Variants in GREB1 observed in about 807,000 individuals in gnomAD.
GREB1 encodes the protein protein GREB1.
GREB1 carries 106 observed loss-of-function variants against 200.7 expected under a neutral mutation model. The observed-to-expected ratio is 0.53, with a 90% CI of 0.45 to 0.62. The LOEUF (loss-of-function observed/expected upper bound fraction) is 0.62, where lower values mean the gene tolerates loss of function less well. Ranked by LOEUF, GREB1 falls within the 20% of genes least tolerant of loss-of-function variation. GREB1 has a pLI of 0.00. For synonymous variants in GREB1, 1,132 were observed against 1,092.4 expected (o/e 1.04, Z -0.72); for missense variants, 2,243 against 2,556.8 (o/e 0.88, Z 2.65).
chr2:11,606,859 T>C (rs1012304994), intron 17 of GREB1, among the ~76,000 whole-genome samples: 10 of 151,780 alleles, frequency 6.6e-5, no homozygotes, highest in African/African-American at 2.4e-4. Flanking sequence ...CTTGGCTCAC[T>C]GAAACCTCTG....
chr2:11,599,226 G>T (rs536664702), intron 15 of GREB1, among the ~76,000 whole-genome samples: 1 of 152,184 alleles, frequency 6.6e-6, no homozygotes, highest in African/African-American at 2.4e-5. Context: ...AGCCATGCTG[G>T]TGTGGGGTGC....
chr2:11,534,857 G>T (rs1037820130), intron 1 of GREB1, among the ~76,000 whole-genome samples: 3 of 152,174 alleles, frequency 2.0e-5, no homozygotes, highest in African/African-American at 7.2e-5. Context: ...TTTCATGTGT[G>T]TTTAAGAGTG....
intron 1 of GREB1, among the ~76,000 whole-genome samples, chr2:11,520,630 C>T (rs1479129926): frequency 6.6e-6 from 1 of 152,200 alleles, no homozygotes; most frequent in Non-Finnish European, 1.5e-5. Context: ...TTTCCTTTTC[C>T]TCCTTCTTCT....
intron 1 of GREB1, among the ~76,000 whole-genome samples, chr2:11,554,439 T>C (rs1485335408): frequency 1.3e-5 from 2 of 152,196 alleles, no homozygotes; most frequent in Non-Finnish European, 2.9e-5. Context: ...CAGAACTCTT[T>C]CAGGGCATGA....
intron 9 of GREB1, chr2:11,587,380 A>C (rs576871272): frequency 6.2e-7 from 1 of 1,608,868 alleles, no homozygotes; most frequent in Non-Finnish European, 8.5e-7. Flanking sequence ...TGCCCACTGC[A>C]GTATTTGTAA....
intron 17 of GREB1, among the ~76,000 whole-genome samples, chr2:11,605,218 C>A (rs1411590927): frequency 7.4e-6 from 1 of 134,592 alleles, no homozygotes; most frequent in Non-Finnish European, 1.6e-5. Context: ...GCCAGTAGAC[C>A]GTATATCTTT....
Position 11,595,335 on chromosome 2 carries a change from G to C in GREB1, c.1781G>C (p.Gly594Ala). 6.2e-7 allele frequency: 1 copy of C among 1,613,988 alleles called. No individual in the cohort carries two copies. The highest frequency in any genetic ancestry group is 8.5e-7 in the Non-Finnish European group (1 of 1,179,924). Residue 594 changes from glycine to alanine, a missense_variant, in exon 12 of 33, where the codon GGG (glycine) becomes GCG (alanine). Physicochemically the swap from Gly to Ala is moderately conservative, Grantham distance 60 (BLOSUM62 0). Around this residue, in one of 3 missense-constraint regions of GREB1, gnomAD observed 1,178 missense variants for 1,387.4 expected, o/e 0.85. Transcript: ENST00000381486. ...QKEVNYELVT[G>A]KVDSLGAFFS... Reference sequence around the variant, plus strand: ...GAAGTCAATTACGAGCTGGTTACGGGGAAGGTAGACTCGCTGGGGGCCTTC... The same window carrying C: ...GAAGTCAATTACGAGCTGGTTACGGCGAAGGTAGACTCGCTGGGGGCCTTC...
At chr2:11,583,151 G>C (rs1679691628) in intron 7 of GREB1, among the ~76,000 whole-genome samples, 1 of 152,230 alleles carries the variant, frequency 6.6e-6, no homozygotes, top group Non-Finnish European at 1.5e-5. Context: ...CACGGGCTTA[G>C]GGTCTATTTA....
intron 4 of GREB1, among the ~76,000 whole-genome samples, chr2:11,572,765 G>T (rs761031331): frequency 6.6e-6 from 1 of 151,654 alleles, no homozygotes; most frequent in Non-Finnish European, 1.5e-5. Context: ...CACTTAACCC[G>T]CATAGTGCTC....
At chr2:11,518,162 A>C (rs1673573982) in intron 1 of GREB1, among the ~76,000 whole-genome samples, 1 of 152,188 alleles carries the variant, frequency 6.6e-6, no homozygotes, top group Non-Finnish European at 1.5e-5. Flanking sequence ...TCTGCAATGG[A>C]GTGGACAACC....
At chr2:11,617,324 G>A (rs1309509570) in intron 21 of GREB1, among the ~76,000 whole-genome samples, 3 of 152,198 alleles carry the variant, frequency 2.0e-5, no homozygotes, top group African/African-American at 4.8e-5. Flanking sequence ...CAAGTCAGGG[G>A]CCACCGTCGG....
chr2:11,580,583 G>C lies in GREB1; in HGVS notation c.773-121G>C. On this transcript the variant is annotated intron_variant, in intron 6 of 32. Coordinates refer to ENST00000381486, the MANE Select transcript of GREB1 (RefSeq NM_014668.4). The surrounding 1 kb of genome is among the most constrained non-coding windows in gnomAD (Gnocchi z 4.5). ...TCACTGTTGGGCATTCTGACCTCCT[G>C]ATGAGACTTGCTGGGGAAAAGCTAG... 8.5e-7 allele frequency: 1 copy of C among 1,172,480 alleles called. No individual in the cohort carries two copies. The highest frequency in any genetic ancestry group is 1.2e-6 in the Non-Finnish European group (1 of 826,270). The allele number at this position is 1,172,480 out of a possible 1,614,324, so 72.6% of individuals were successfully genotyped here.
intron 1 of GREB1, among the ~76,000 whole-genome samples, chr2:11,546,336 T>C (rs751681953): frequency 5.7e-4 from 86 of 152,114 alleles, no homozygotes; most frequent in African/African-American, 2.0e-3. Context: ...GAAAGAAATA[T>C]TGGTTTTCTT....
chr2:11,630,036 A>G lies in GREB1; in HGVS notation c.4538A>G (p.Lys1513Arg). Residue 1513 changes from lysine (K) to arginine (R), a missense_variant, in exon 26 of 33, where the codon AAG (lysine) becomes AGG (arginine). By Grantham distance (26) the Lys-to-Arg change is conservative. Coordinates refer to ENST00000381486, the MANE Select transcript of GREB1 (RefSeq NM_014668.4). ...IQLHFIIPKS[K>R]EHHFVFSQPG... ...CTGCACTTCATCATCCCCAAGTCCA[A>G]GGAGCACCACTTTGTCTTCAGCCAA... The G allele has an allele frequency of 9.3e-6, 15 of 1,614,200 alleles. No individual in the cohort carries two copies. The highest frequency in any genetic ancestry group is 1.1e-5 in the Non-Finnish European group (13 of 1,180,026).
chr2:11,530,419 A>T (rs1381541866), upstream of GREB1, among the ~76,000 whole-genome samples: 1 of 151,792 alleles, frequency 6.6e-6, no homozygotes, highest in East Asian at 1.9e-4. Flanking sequence ...AAAAAAAAAA[A>T]GTAAAATCTA....
chr2:11,629,363 G>A lies in GREB1; in HGVS notation c.4450-585G>A, dbSNP rs1033737725. Among the ~76,000 whole-genome samples the A allele has an allele frequency of 6.6e-6, 1 of 152,172 alleles. No individual in the cohort carries two copies. Among genetic ancestry groups the A allele is most frequent in the African/African-American group, 2.4e-5 (1 of 41,440 alleles). On this transcript the variant is annotated intron_variant, in intron 25 of 32. Transcript: ENST00000381486. The surrounding 1 kb of genome is among the most constrained non-coding windows in gnomAD (Gnocchi z 5.2). Reference sequence around the variant, plus strand: ...GTGGAGGCTGGAGGAGGTGACTAAGGGCGCAGCCAGACTTGGTGACTTGGT... The same window carrying A: ...GTGGAGGCTGGAGGAGGTGACTAAGAGCGCAGCCAGACTTGGTGACTTGGT...
upstream of GREB1, among the ~76,000 whole-genome samples, chr2:11,533,235 G>A (rs1200613126): frequency 2.0e-5 from 3 of 152,120 alleles, no homozygotes; most frequent in African/African-American, 4.8e-5. Context: ...CAATGCAGGC[G>A]AATAACACAA....
chr2:11,532,306 G>A (rs1347055989), upstream of GREB1, among the ~76,000 whole-genome samples: 1 of 152,170 alleles, frequency 6.6e-6, no homozygotes, highest in Non-Finnish European at 1.5e-5. Context: ...CTCTGGTCTT[G>A]GAGCGAGGGA....
chr2:11,600,268 C>G (rs991094575), intron 15 of GREB1, among the ~76,000 whole-genome samples: 1 of 152,052 alleles, frequency 6.6e-6, no homozygotes, highest in African/African-American at 2.4e-5. Context: ...ATCCCCTAAA[C>G]TTACAGGAGA....
Sources: gnomAD v4.1 joint callset for allele counts (sites outside exome capture counted in the v4.1 genomes callset) on GRCh38, gnomAD v4.1.1 for gene constraint, gnomAD v4.1.1 regional missense constraint, Gnocchi (gnomAD v3.1) non-coding constraint, MANE v1.5 for transcripts, NCBI Gene and HGNC (gene_info 2026-07-23, HGNC 2026-07-21) for gene names.